COL5A1: variants seen among roughly 807,000 people sequenced by gnomAD.
COL5A1 encodes the protein collagen alpha-1(V) chain.
In COL5A1, 16 loss-of-function variants were observed where a neutral mutation model predicts 263.7. The ratio of observed to expected loss-of-function variants is 0.06; its 90% confidence interval spans 0.04 to 0.09. COL5A1 has a LOEUF of 0.09. Among genes scored for constraint, COL5A1 ranks in the 10% least tolerant of loss-of-function variants. The pLI is 1.00. For synonymous variants in COL5A1, 1,012 were observed against 1,004.5 expected (o/e 1.01, Z -0.14); for missense variants, 2,036 against 2,540.5 (o/e 0.80, Z 4.27).
Position 134,681,389 on chromosome 9 carries a change from C to T in COL5A1, c.110-9523C>T, listed in dbSNP as rs974252003. 1.3e-5 allele frequency among the ~76,000 whole-genome samples: 2 copies of T among 152,252 alleles called. No individual in the cohort carries two copies. Among genetic ancestry groups the T allele is most frequent in the Non-Finnish European group, 2.9e-5 (2 of 68,040 alleles). On this transcript the variant is annotated intron_variant, in intron 1 of 65. Coordinates refer to ENST00000371817, the MANE Select transcript of COL5A1 (RefSeq NM_000093.5). The surrounding 1 kb of genome is among the most constrained non-coding windows in gnomAD (Gnocchi z 4.3). ...TCTGCGAGCATCTGCGGGTGCCGGG[C>T]TGTGCGGGGCCCCTGCCCTCCTGCA...
rs998596944 is a variant in COL5A1 at position 134,677,108 on chromosome 9, G to C, written c.110-13804G>C. On this transcript the variant is annotated intron_variant, in intron 1 of 65. Coordinates refer to ENST00000371817, the MANE Select transcript of COL5A1 (RefSeq NM_000093.5). This position sits in a 1 kb window ranked among gnomAD's most constrained non-coding sequence, Gnocchi z 4.4. ...AGAAGAGGCAGGGACACCAGGAAGC[G>C]GCGGTCCATCCCCTCGTGATTGGTG... Among the ~76,000 whole-genome samples, 1 of 152,200 alleles carries C rather than the reference G, an allele frequency of 6.6e-6. No individual in the cohort carries two copies. The highest frequency in any genetic ancestry group is 1.5e-5 in the Non-Finnish European group (1 of 68,026).
intron 4 of COL5A1, among the ~76,000 whole-genome samples, chr9:134,704,729 A>G (rs1833783404): frequency 6.6e-6 from 1 of 151,512 alleles, no homozygotes; most frequent in Admixed American, 6.6e-5. Context: ...GGAAAATTGG[A>G]CCTGTCTTTC....
chr9:134,685,430 C>CCATCCACCATCCATCCACCAT (rs1833015345), intron 1 of COL5A1, among the ~76,000 whole-genome samples: 1 of 2,164 alleles, frequency 4.6e-4, no homozygotes, highest in Non-Finnish European at 1.6e-3. Context: ...ATCCATCCAT[C>CCATCCACCATCCATCCACCAT]CATCCATCCA....
At position 134,735,040 on chromosome 9, in the gene COL5A1, G is replaced by A. The variant is rs536728096; in HGVS notation, c.1389+2913G>A. Among the ~76,000 whole-genome samples the A allele has an allele frequency of 1.3e-3, 190 of 151,532 alleles. 1 individual carries two copies. In the Middle Eastern group the frequency reaches 0.024, roughly 19 times the overall value. On this transcript the variant is annotated intron_variant, in intron 9 of 65. Coordinates refer to ENST00000371817, the MANE Select transcript of COL5A1 (RefSeq NM_000093.5). The stretch of plus-strand genomic sequence containing the variant: ...ATCCTGACCACCATGGCAAAACCCT[G>A]TCTTTACTAAAACTACAAAAAAATT...
chr9:134,806,534 A>G (rs530854934), intron 42 of COL5A1, among the ~76,000 whole-genome samples: 7 of 152,312 alleles, frequency 4.6e-5, no homozygotes, highest in Admixed American at 2.0e-4. Context: ...CAGCTGAGCC[A>G]GAGGAGCCCT....
intron 43 of COL5A1, among the ~76,000 whole-genome samples, chr9:134,809,543 C>T (rs1838434393): frequency 2.0e-5 from 3 of 152,218 alleles, no homozygotes; most frequent in East Asian, 1.9e-4. Flanking sequence ...TTGAGGTTGC[C>T]TGCAACATTT....
chr9:134,726,919 G>A (rs1221535182), intron 4 of COL5A1, among the ~76,000 whole-genome samples: 1 of 148,474 alleles, frequency 6.7e-6, no homozygotes, highest in Non-Finnish European at 1.5e-5. Flanking sequence ...GGGTGGATGG[G>A]TGAATGGGTG....
At chr9:134,824,934 T>G (rs1839202978) in intron 62 of COL5A1, 79 bp downstream of exon 62, 2 of 1,521,890 alleles carry the variant, frequency 1.3e-6, no homozygotes, top group African/African-American at 2.8e-5. Flanking sequence ...GCAAGGACAG[T>G]TCAGCCAGGC....
At chr9:134,768,757 A>G (rs1836770327) in intron 25 of COL5A1, among the ~76,000 whole-genome samples, 1 of 152,212 alleles carries the variant, frequency 6.6e-6, no homozygotes, top group African/African-American at 2.4e-5. Context: ...CTGAGCCGTG[A>G]GGAGGGCTGG....
intron 30 of COL5A1, 111 bp from the exon 31 acceptor site, chr9:134,785,884 A>G: frequency 2.0e-6 from 2 of 1,011,894 alleles, no homozygotes; most frequent in Middle Eastern, 2.0e-4. Context: ...GCCTCTGGAA[A>G]CCACACCCTC....
rs1428100271 is a variant in COL5A1 at position 134,686,234 on chromosome 9, CCTT to C, written c.110-4675_110-4673del. 2.0e-5 allele frequency among the ~76,000 whole-genome samples: 3 copies of C among 152,164 alleles called. No individual in the cohort carries two copies. Among genetic ancestry groups the C allele is most frequent in the Admixed American group, 6.6e-5 (1 of 15,264 alleles). On this transcript the variant is annotated intron_variant, in intron 1 of 65. Transcript: ENST00000371817. This position sits in a 1 kb window ranked among gnomAD's most constrained non-coding sequence, Gnocchi z 4.6. ...ATTCTCCTTCTTCCTTCCTCCTTCTCCTTCTCCTTTTTCTTCTTCTTTCTCTTC... is the reference window on the plus strand; with the variant it reads ...ATTCTCCTTCTTCCTTCCTCCTTCTCCTCCTTTTTCTTCTTCTTTCTCTTC...
intron 11 of COL5A1, among the ~76,000 whole-genome samples, chr9:134,748,176 G>A (rs1046355321): frequency 2.0e-5 from 3 of 148,726 alleles, no homozygotes; most frequent in African/African-American, 7.5e-5. Context: ...GCACACACAT[G>A]CATTCATGCA....
intron 26 of COL5A1, 141 bp from the exon 27 acceptor site, chr9:134,774,718 G>C: frequency 1.2e-6 from 1 of 819,480 alleles, no homozygotes; most frequent in East Asian, 2.7e-5. Context: ...TCTCCCACGG[G>C]GGGCCTCTCT....
intron 1 of COL5A1, among the ~76,000 whole-genome samples, chr9:134,679,689 C>T (rs1282878694): frequency 2.1e-4 from 14 of 66,942 alleles, no homozygotes; most frequent in Non-Finnish European, 3.7e-4. Flanking sequence ...TGGGGCACTG[C>T]GGGGCTGGTT....
At chr9:134,649,585 C>A in intron 1 of COL5A1, 1 of 442,710 alleles carries the variant, frequency 2.3e-6, no homozygotes, top group South Asian at 1.7e-5. Flanking sequence ...TCTTTTTTTT[C>A]TGTAAATAAA....
intron 1 of COL5A1, among the ~76,000 whole-genome samples, chr9:134,650,996 C>T (rs1357573261): frequency 2.6e-5 from 4 of 152,342 alleles, no homozygotes; most frequent in Middle Eastern, 3.4e-3. Context: ...CATGCATGGA[C>T]GCAAGCAGCC....
intron 1 of COL5A1, among the ~76,000 whole-genome samples, chr9:134,676,168 A>G (rs1832678386): frequency 3.9e-5 from 6 of 152,174 alleles, no homozygotes; most frequent in Admixed American, 3.9e-4. Flanking sequence ...TGCTCCACCA[A>G]ACCTCAGCCC....
chr9:134,803,768 G>A (rs963352208), intron 39 of COL5A1, among the ~76,000 whole-genome samples: 3 of 152,044 alleles, frequency 2.0e-5, no homozygotes, highest in South Asian at 2.1e-4. Context: ...GTGTGAACTC[G>A]GGGGGCGGAG....
chr9:134,689,665 C>A (rs373425811), intron 1 of COL5A1, among the ~76,000 whole-genome samples: 1 of 152,262 alleles, frequency 6.6e-6, no homozygotes, highest in Admixed American at 6.5e-5. Flanking sequence ...AGCCCCAGGA[C>A]GGAGCTTCCT....
Sources: allele counts gnomAD v4.1 joint callset (sites outside exome capture counted in the v4.1 genomes callset), GRCh38; gene constraint gnomAD v4.1.1; non-coding constraint Gnocchi (gnomAD v3.1); transcripts MANE v1.5; gene names NCBI Gene and HGNC (gene_info 2026-07-23, HGNC 2026-07-21).